SRD5A2: variants seen among roughly 807,000 people sequenced by gnomAD.
The protein encoded by SRD5A2 is steroid 5 alpha-reductase 2.
A neutral mutation model predicts 27.4 loss-of-function variants in SRD5A2; 30 were observed. The observed-to-expected ratio is 1.10, with a 90% confidence interval of 0.82 to 1.49. The LOEUF is 1.49. Among genes scored for constraint, SRD5A2 ranks in the 40% most tolerant of loss-of-function variants. SRD5A2 has a pLI of 0.00. For missense variants in SRD5A2, 348 were observed against 323.4 expected (o/e 1.08, Z -0.58); for synonymous variants, 141 against 133.6 (o/e 1.06, Z -0.38).
intron 1 of SRD5A2, among the ~76,000 whole-genome samples, chr2:31,574,975 C>T (rs1666927022): frequency 6.6e-6 from 1 of 152,210 alleles, no homozygotes; most frequent in African/African-American, 2.4e-5. Context: ...CAATAGAGAT[C>T]ATGACCTGGC....
At chr2:31,621,417 C>T in the SRD5A2 span, among the ~76,000 whole-genome samples, 4 of 152,166 alleles carry the variant, frequency 2.6e-5, no homozygotes, top group South Asian at 8.3e-4. Context: ...GAGGATTCAT[C>T]CATGTAGTAT....
At chr2:31,609,670 G>T in the SRD5A2 span, among the ~76,000 whole-genome samples, 1 of 152,100 alleles carries the variant, frequency 6.6e-6, no homozygotes, top group East Asian at 1.9e-4. Flanking sequence ...ACTCTTAGAA[G>T]AATACATAGG....
At chr2:31,583,640 C>CAAAA (rs1246469141), upstream of SRD5A2, among the ~76,000 whole-genome samples, 1 of 18,422 alleles carries the variant, frequency 5.4e-5, no homozygotes, top group African/African-American at 1.8e-4. Context: ...AAAAAAAAAG[C>CAAAA]AAAAAAAAAA....
At chr2:31,530,767 G>T (rs1050132299) in intron 3 of SRD5A2, among the ~76,000 whole-genome samples, 1 of 152,110 alleles carries the variant, frequency 6.6e-6, no homozygotes, top group African/African-American at 2.4e-5. Flanking sequence ...TCCCATCTGC[G>T]TATATTTGTC....
At chr2:31,632,427 A>G in the SRD5A2 span, among the ~76,000 whole-genome samples, 1 of 152,222 alleles carries the variant, frequency 6.6e-6, no homozygotes, top group Non-Finnish European at 1.5e-5. Flanking sequence ...CAAGGGAATC[A>G]CTGGAAGGCC....
the SRD5A2 span, among the ~76,000 whole-genome samples, chr2:31,615,051 G>C: frequency 6.6e-6 from 1 of 152,130 alleles, no homozygotes; most frequent in Non-Finnish European, 1.5e-5. Flanking sequence ...CTTCTGCCAT[G>C]ATTGTAAGGC....
At chr2:31,632,089 A>T in the SRD5A2 span, among the ~76,000 whole-genome samples, 1 of 151,994 alleles carries the variant, frequency 6.6e-6, no homozygotes, top group Non-Finnish European at 1.5e-5. Flanking sequence ...TAAGTTTATC[A>T]CTCAGTCAGC....
the SRD5A2 span, among the ~76,000 whole-genome samples, chr2:31,634,433 G>C: frequency 6.6e-6 from 1 of 152,060 alleles, no homozygotes; most frequent in Non-Finnish European, 1.5e-5. Context: ...ATAGAGGATG[G>C]GGGCGTATAT....
At chr2:31,588,192 A>C in the SRD5A2 span, among the ~76,000 whole-genome samples, 9 of 152,200 alleles carry the variant, frequency 5.9e-5, no homozygotes, top group Non-Finnish European at 1.3e-4. Context: ...AGAGGGGTGG[A>C]AAGTTTATTC....
intron 1 of SRD5A2, among the ~76,000 whole-genome samples, chr2:31,552,866 TA>T (rs944584201): frequency 1.4e-4 from 21 of 151,814 alleles, no homozygotes; most frequent in Admixed American, 8.5e-4. Flanking sequence ...ACAAGAAACA[TA>T]AAAAATCTGG....
the SRD5A2 span, among the ~76,000 whole-genome samples, chr2:31,655,457 C>T: frequency 1.3e-5 from 2 of 152,304 alleles, no homozygotes; most frequent in East Asian, 1.9e-4. Context: ...GACTTCCAGG[C>T]AGAGGATGGG....
the SRD5A2 span, among the ~76,000 whole-genome samples, chr2:31,595,301 C>A: frequency 2.0e-5 from 3 of 152,046 alleles, no homozygotes; most frequent in East Asian, 1.9e-4. Flanking sequence ...AATTGATAGA[C>A]CATTAGTGAA....
rs564811818 is a variant in SRD5A2, at chr2:31,525,013, T to G, written c.*1183A>C. On this transcript the variant is annotated 3_prime_UTR_variant, in exon 5 of 5. Coordinates refer to ENST00000622030, the MANE Select transcript of SRD5A2 (RefSeq NM_000348.4). ...AGAATGCTAGAGTTTTATGAAGGAA[T>G]CTCCTGATTTTTAAGTTTTTGAAAC... The G allele has an allele frequency of 3.2e-5, 7 of 216,116 alleles. No individual in the cohort carries two copies. Among genetic ancestry groups the G allele is most frequent in the Non-Finnish European group, 6.5e-5 (7 of 107,524 alleles). The allele number at this position is 216,116 out of a possible 1,614,324, so 13.4% of individuals were successfully genotyped here. A position where few individuals can be genotyped will look rare whatever the true frequency, so the allele number is the denominator to read the frequency against.
At chr2:31,540,684 C>T (rs4952221) in intron 1 of SRD5A2, among the ~76,000 whole-genome samples, 5,469 of 152,274 alleles carry the variant, frequency 0.036, 211 homozygotes, top group Admixed American at 0.12. Flanking sequence ...TTCAGGGAAA[C>T]ATTTGGATGG....
At chr2:31,588,618 T>C in the SRD5A2 span, among the ~76,000 whole-genome samples, 1 of 152,038 alleles carries the variant, frequency 6.6e-6, no homozygotes, top group Non-Finnish European at 1.5e-5. Context: ...CTACAAGAAA[T>C]GCTAAAGGGA....
At chr2:31,611,272 A>G in the SRD5A2 span, among the ~76,000 whole-genome samples, 4 of 152,234 alleles carry the variant, frequency 2.6e-5, no homozygotes, top group Non-Finnish European at 4.4e-5. Flanking sequence ...TTATAGATTC[A>G]TGAGTAAAAT....
At chr2:31,585,043 T>A (rs550671528), upstream of SRD5A2, among the ~76,000 whole-genome samples, 1 of 152,142 alleles carries the variant, frequency 6.6e-6, no homozygotes, top group Non-Finnish European at 1.5e-5. Context: ...TGTTGTCCTG[T>A]TACAGCAAAA....
chr2:31,580,794 T>C lies in SRD5A2; in HGVS notation c.107A>G (p.His36Arg), dbSNP rs1187445751. The C allele has an allele frequency of 5.6e-6, 9 of 1,612,350 alleles. No individual in the cohort carries two copies. The highest frequency in any genetic ancestry group is 6.8e-6 in the Non-Finnish European group (8 of 1,179,694). Residue 36 changes from histidine to arginine, a missense_variant, in exon 1 of 5, where the codon CAC becomes CGC. Physicochemically the swap from His to Arg is conservative, Grantham distance 29 (BLOSUM62 0). Coordinates refer to ENST00000622030, the MANE Select transcript of SRD5A2 (RefSeq NM_000348.4). ...YVAKPSGYGK[H>R]TESLKPAATR... ...AGCCGCCGGCTTCAGGCTCTCCGTG[T>C]GCTTCCCGTAGCCGGAGGGCTTCGC... is the stretch of plus-strand genomic sequence containing the variant.
At chr2:31,627,166 C>T in the SRD5A2 span, among the ~76,000 whole-genome samples, 1 of 152,086 alleles carries the variant, frequency 6.6e-6, no homozygotes, top group African/African-American at 2.4e-5. Context: ...ATAGTATTAT[C>T]TCATGGTAGT....
Sources: allele counts gnomAD v4.1 joint callset (sites outside exome capture counted in the v4.1 genomes callset), GRCh38; gene constraint gnomAD v4.1.1; transcripts MANE v1.5; gene names NCBI Gene and HGNC (gene_info 2026-07-23, HGNC 2026-07-21).